PARM1: variants seen among roughly 807,000 people sequenced by gnomAD.
PARM1 encodes prostate androgen-regulated mucin-like protein 1.
Under a neutral mutation model 24.6 loss-of-function variants are expected in PARM1, and 14 were observed. The ratio of observed to expected loss-of-function variants is 0.57; its 90% confidence interval spans 0.38 to 0.89. PARM1 has a LOEUF of 0.89. PARM1 is among the 40% of genes least tolerant of loss of function. The pLI is 0.00. For synonymous variants in PARM1, 179 were observed against 156.6 expected (o/e 1.14, Z -1.07); for missense variants, 362 against 380.4 (o/e 0.95, Z 0.40).
chr4:75,016,009 C>T (rs772345874), intron 2 of PARM1, among the ~76,000 whole-genome samples: 10 of 152,142 alleles, frequency 6.6e-5, no homozygotes, highest in Admixed American at 3.9e-4. Context: ...TGTGGGTTCA[C>T]GTAGTATGTT....
Position 74,933,238 on chromosome 4 carries a change from A to C in PARM1, c.-90A>C. On this transcript the variant is annotated 5_prime_UTR_variant, in exon 1 of 4. Coordinates refer to ENST00000307428, the MANE Select transcript of PARM1 (RefSeq NM_015393.4). ...CGGCTCCCACCGCAGCCCACCCGGCAGAGGAGTCGCTACCAGCGCCCAGTG... is the reference window on the plus strand; with the variant it reads ...CGGCTCCCACCGCAGCCCACCCGGCCGAGGAGTCGCTACCAGCGCCCAGTG... 7 of 1,155,928 alleles carry C rather than the reference A, an allele frequency of 6.1e-6. No homozygotes were observed. In the South Asian group the frequency reaches 9.1e-5, roughly 15 times the overall value. The allele number at this position is 1,155,928 out of a possible 1,614,324, so 71.6% of individuals were successfully genotyped here. A position where few individuals can be genotyped will look rare whatever the true frequency, so the allele number is the denominator to read the frequency against.
chr4:75,013,328 T>C (rs1560792309), intron 2 of PARM1, among the ~76,000 whole-genome samples, 178 bp downstream of exon 2: 2 of 152,256 alleles, frequency 1.3e-5, no homozygotes, highest in Non-Finnish European at 2.9e-5. Context: ...ACAATTTTCA[T>C]GATTCACTGT....
At chr4:74,967,958 C>T (rs1721940241) in intron 1 of PARM1, among the ~76,000 whole-genome samples, 1 of 152,220 alleles carries the variant, frequency 6.6e-6, no homozygotes, top group South Asian at 2.1e-4. Flanking sequence ...TTAGAAGAAG[C>T]TGACCAGAAA....
intron 1 of PARM1, chr4:74,967,633 C>T (rs1156402266): frequency 6.6e-6 from 1 of 152,126 alleles, no homozygotes; most frequent in African/African-American, 2.4e-5. Context: ...AAAAAATTTT[C>T]ATAGGCAAAC....
intron 1 of PARM1, among the ~76,000 whole-genome samples, chr4:74,942,660 A>G (rs775895029): frequency 3.3e-5 from 5 of 152,220 alleles, no homozygotes; most frequent in Admixed American, 6.5e-5. Flanking sequence ...TAAAATATGT[A>G]CAGAATCCAA....
chr4:75,001,446 A>G (rs998698572), intron 1 of PARM1, among the ~76,000 whole-genome samples: 1 of 152,214 alleles, frequency 6.6e-6, no homozygotes, highest in African/African-American at 2.4e-5. Context: ...ATAATGTTCC[A>G]TCACAATAAG....
intron 1 of PARM1, among the ~76,000 whole-genome samples, chr4:74,934,987 C>T (rs1307402581): frequency 3.5e-5 from 2 of 56,700 alleles, no homozygotes; most frequent in Non-Finnish European, 3.3e-5. Context: ...CCCCAAGAAG[C>T]TCTTTTTTCT....
chr4:75,011,912 A>G (rs1376456341), intron 1 of PARM1, among the ~76,000 whole-genome samples: 6 of 152,184 alleles, frequency 3.9e-5, no homozygotes, highest in Admixed American at 3.9e-4. Flanking sequence ...ATAGCCCTCA[A>G]GACATGGAAC....
chr4:74,975,022 A>C (rs1448897220), intron 1 of PARM1, among the ~76,000 whole-genome samples: 1 of 152,204 alleles, frequency 6.6e-6, no homozygotes, highest in Non-Finnish European at 1.5e-5. Context: ...AGTCTGTGGC[A>C]TTTTGTTATG....
intron 1 of PARM1, among the ~76,000 whole-genome samples, chr4:74,996,802 G>A (rs892053271): frequency 3.3e-5 from 5 of 152,114 alleles, no homozygotes; most frequent in Non-Finnish European, 5.9e-5. Context: ...CACATAGAAA[G>A]GAGAATTAAT....
chr4:75,016,304 A>T (rs984341913), intron 2 of PARM1, among the ~76,000 whole-genome samples: 1 of 152,332 alleles, frequency 6.6e-6, no homozygotes, highest in Admixed American at 6.5e-5. Flanking sequence ...TTCAGAATCC[A>T]CGCAGAAGTT....
intron 2 of PARM1, among the ~76,000 whole-genome samples, chr4:75,027,346 G>T (rs1723201815): frequency 6.6e-6 from 1 of 152,050 alleles, no homozygotes; most frequent in Admixed American, 6.5e-5. Flanking sequence ...AGGCTTGTAG[G>T]GTGGATTTGG....
rs1351938329 is a variant in PARM1, at chr4:75,008,920, G to A, written c.44-3505G>A. Among the ~76,000 whole-genome samples the A allele has an allele frequency of 2.2e-5, 3 of 135,798 alleles. No individual in the cohort carries two copies. The East Asian group carries it at 6.4e-4, about 29-fold the overall frequency. The allele number at this position is 135,798 out of a possible 152,430, so 89.1% of individuals were successfully genotyped here. A position where few individuals can be genotyped will look rare whatever the true frequency, so the allele number is the denominator to read the frequency against. ...CATGATGCTATGAATGGTAAATGGT[G>A]TCATTTTTTTTTTTTTGCCCTTGGA... On this transcript the variant is annotated intron_variant, in intron 1 of 3. Transcript: ENST00000307428.
At chr4:74,993,232 A>G (rs998923554) in intron 1 of PARM1, among the ~76,000 whole-genome samples, 1 of 152,164 alleles carries the variant, frequency 6.6e-6, no homozygotes, top group Non-Finnish European at 1.5e-5. Context: ...ATGGAAGCCC[A>G]TGTGGCAAAG....
intron 1 of PARM1, among the ~76,000 whole-genome samples, chr4:75,011,509 T>C (rs72860981): frequency 0.065 from 9,836 of 152,200 alleles, 369 homozygotes; most frequent in Middle Eastern, 0.12. Flanking sequence ...AATCAAGATA[T>C]GTGTTACCTA....
chr4:75,040,034 T>C (rs970612085), intron 3 of PARM1, among the ~76,000 whole-genome samples: 1 of 152,214 alleles, frequency 6.6e-6, no homozygotes, highest in Admixed American at 6.5e-5. Context: ...TCTACCAGTT[T>C]TCTCCACTAG....
intron 1 of PARM1, among the ~76,000 whole-genome samples, chr4:74,940,727 G>C (rs1430257837): frequency 2.0e-5 from 3 of 152,154 alleles, no homozygotes; most frequent in Non-Finnish European, 2.9e-5. Flanking sequence ...CCATACTGTA[G>C]GACCACTCCA....
At position 75,048,927 on chromosome 4, in the gene PARM1, C is replaced by T. The variant is rs878898346; in HGVS notation, c.*2680C>T. 3.3e-5 allele frequency: 5 copies of T among 152,704 alleles called. No individual in the cohort carries two copies. The South Asian group carries it at 8.3e-4, about 25-fold the overall frequency. The allele number at this position is 152,704 out of a possible 1,614,324, so 9.5% of individuals were successfully genotyped here. The stretch of plus-strand genomic sequence containing the variant: ...GGCAGAAGATTTTAGCAACTATATT[C>T]TACAAATGTTACTTATAACACACAC... On this transcript the variant is annotated 3_prime_UTR_variant, in exon 4 of 4. Transcript: ENST00000307428.
At chr4:75,031,492 A>T (rs1016459536) in intron 2 of PARM1, among the ~76,000 whole-genome samples, 1 of 151,990 alleles carries the variant, frequency 6.6e-6, no homozygotes, top group African/African-American at 2.4e-5. Context: ...GCCACCCATC[A>T]TATGGAGGAG....
Sources: allele counts gnomAD v4.1 joint callset (sites outside exome capture counted in the v4.1 genomes callset), GRCh38; gene constraint gnomAD v4.1.1; transcripts MANE v1.5; gene names NCBI Gene and HGNC (gene_info 2026-07-23, HGNC 2026-07-21).